PDE6A: variants seen among roughly 807,000 people sequenced by gnomAD.
PDE6A encodes the protein rod cGMP-specific 3',5'-cyclic phosphodiesterase subunit alpha.
PDE6A carries 84 observed loss-of-function variants against 106.3 expected under a neutral mutation model. The observed-to-expected ratio is 0.79, with a 90% CI of 0.66 to 0.95. PDE6A has a LOEUF of 0.95. PDE6A is among the 40% of genes least tolerant of loss of function. The pLI, the probability that PDE6A is intolerant of heterozygous loss-of-function variation, is 0.00. For synonymous variants in PDE6A, 394 were observed against 386.6 expected (o/e 1.02, Z -0.23); for missense variants, 1,052 against 1,084.9 (o/e 0.97, Z 0.43).
At chr5:149,897,516 T>C (rs1461217586) in intron 10 of PDE6A, among the ~76,000 whole-genome samples, 2 of 152,262 alleles carry the variant, frequency 1.3e-5, no homozygotes, top group African/African-American at 2.4e-5. Flanking sequence ...GTTATTGGAA[T>C]GAAATGATCA....
chr5:149,874,688 G>A (rs1760677755), intron 17 of PDE6A, among the ~76,000 whole-genome samples: 1 of 152,164 alleles, frequency 6.6e-6, no homozygotes. Context: ...ATGAAGGCTT[G>A]GTCTTTCTGG....
chr5:149,902,632 T>C (rs1753020896), intron 8 of PDE6A, among the ~76,000 whole-genome samples: 1 of 151,696 alleles, frequency 6.6e-6, no homozygotes, highest in Admixed American at 6.6e-5. Flanking sequence ...ACCAATCTGA[T>C]CAACATGGCG....
At chr5:149,943,570 C>T (rs1255452724) in intron 1 of PDE6A, among the ~76,000 whole-genome samples, 1 of 152,210 alleles carries the variant, frequency 6.6e-6, no homozygotes, top group African/African-American at 2.4e-5. Context: ...ATTCTCTTGC[C>T]TCAGCCCTCC....
chr5:149,913,250 C>T (rs152946), intron 6 of PDE6A, among the ~76,000 whole-genome samples: 105,704 of 151,404 alleles, frequency 0.7, 37,432 homozygotes, highest in Admixed American at 0.76. Context: ...GGTGTGGTGG[C>T]GTGTGCCTGT....
chr5:149,915,466 G>A (rs974784523), intron 5 of PDE6A, among the ~76,000 whole-genome samples: 2 of 152,130 alleles, frequency 1.3e-5, no homozygotes, highest in African/African-American at 4.8e-5. Flanking sequence ...TTGCCCCATG[G>A]TTTTCAGGAA....
chr5:149,911,528 C>G (rs1400312710), intron 6 of PDE6A, among the ~76,000 whole-genome samples: 1 of 152,110 alleles, frequency 6.6e-6, no homozygotes, highest in Non-Finnish European at 1.5e-5. Context: ...GAGTTCACAC[C>G]TAGGCAATAA....
intron 4 of PDE6A, among the ~76,000 whole-genome samples, chr5:149,928,866 C>T (rs1429016167): frequency 2.0e-5 from 3 of 152,166 alleles, no homozygotes. Context: ...AAAAATAATA[C>T]ATCCAAATGG....
At chr5:149,917,702 G>A (rs1753596023) in intron 5 of PDE6A, among the ~76,000 whole-genome samples, 1 of 152,178 alleles carries the variant, frequency 6.6e-6, no homozygotes, top group African/African-American at 2.4e-5. Flanking sequence ...AAATAAAATG[G>A]AGCTGAGACT....
At chr5:149,877,396 A>C (rs982166704) in intron 17 of PDE6A, among the ~76,000 whole-genome samples, 8 of 152,126 alleles carry the variant, frequency 5.3e-5, no homozygotes, top group Non-Finnish European at 2.9e-5. Flanking sequence ...TGGGCAACAT[A>C]GTAAGACCTT....
intron 17 of PDE6A, among the ~76,000 whole-genome samples, chr5:149,879,032 TTTTA>T (rs1172577589): frequency 1.3e-5 from 2 of 152,102 alleles, no homozygotes; most frequent in Admixed American, 6.6e-5. Context: ...TCATGTCATA[TTTTA>T]TTTATGTTTA....
chr5:149,944,508 C>CCATGCTG lies in PDE6A; in HGVS notation c.159_165dup (p.Glu56GlnfsTer10). 1 of 1,614,156 alleles carries CCATGCTG rather than the reference C, an allele frequency of 6.2e-7. No individual in the cohort carries two copies. The highest frequency in any genetic ancestry group is 1.1e-5 in the South Asian group (1 of 91,076). On this transcript the variant is annotated frameshift_variant, in exon 1 of 22. Transcript: ENST00000255266. LOFTEE classifies it high-confidence loss of function. ...AGATCAAAGATGATTTCGCTCTCCTCCATGCTGCTCGGGGAGTGGTAGTTG... is the reference window on the plus strand; with the variant it reads ...AGATCAAAGATGATTTCGCTCTCCTCCATGCTGCATGCTGCTCGGGGAGTGGTAGTTG...
At chr5:149,870,736 T>TGCAG (rs35780313) in intron 17 of PDE6A, among the ~76,000 whole-genome samples, 1,570 of 127,032 alleles carry the variant, frequency 0.012, 9 homozygotes, top group Middle Eastern at 0.025. Context: ...CAGAGGGGCC[T>TGCAG]GCAGGGAGGT....
In PDE6A at chr5:149,931,157, C is replaced by T. The variant is rs1754024143; in HGVS notation, c.729G>A (p.Trp243Ter). The T allele has an allele frequency of 1.9e-6, 3 of 1,613,964 alleles. No individual in the cohort carries two copies. Among genetic ancestry groups the T allele is most frequent in the Non-Finnish European group, 2.5e-6 (3 of 1,180,028 alleles). ...GTTCTTCAAAGACTTTGCTCCCAGA[C>T]CACAGCAGTATCTGAAAAAACACAA... ...CETRRGQILL[W>*]SGSKVFEELT... is the part of the protein sequence containing the mutation. The change falls in exon 4 of 22, where the codon TGG becomes TGA. Residue 243 changes from tryptophan (W) to a stop codon, truncating the protein, a stop_gained. Transcript: ENST00000255266. LOFTEE classifies it high-confidence loss of function.
intron 19 of PDE6A, 200 bp downstream of exon 19, chr5:149,867,525 G>T: frequency 1.5e-6 from 1 of 650,684 alleles, no homozygotes; most frequent in Non-Finnish European, 2.8e-6. Flanking sequence ...CTAGGGTGAG[G>T]CTTGTGAATA....
chr5:149,879,846 T>C (rs1760865221), intron 17 of PDE6A, among the ~76,000 whole-genome samples: 1 of 152,148 alleles, frequency 6.6e-6, no homozygotes, highest in South Asian at 2.1e-4. Context: ...CTCTTTTCTT[T>C]CCCTGGTTAT....
chr5:149,891,218 C>T (rs1752534636), intron 13 of PDE6A, among the ~76,000 whole-genome samples: 1 of 152,112 alleles, frequency 6.6e-6, no homozygotes, highest in African/African-American at 2.4e-5. Context: ...GCCTGTAATC[C>T]CAGCCCTTTG....
chr5:149,926,032 A>G (rs990311952), intron 4 of PDE6A, among the ~76,000 whole-genome samples: 4 of 152,152 alleles, frequency 2.6e-5, no homozygotes, highest in African/African-American at 7.2e-5. Flanking sequence ...ACTTGAGATC[A>G]GGAGTTCGAG....
chr5:149,864,730 C>T (rs558958962), intron 20 of PDE6A, among the ~76,000 whole-genome samples: 1 of 152,254 alleles, frequency 6.6e-6, no homozygotes, highest in African/African-American at 2.4e-5. Flanking sequence ...AATCCACGGC[C>T]CGCTGTGAAG....
At chr5:149,870,457 C>G (rs528992486) in intron 17 of PDE6A, among the ~76,000 whole-genome samples, 1 of 152,170 alleles carries the variant, frequency 6.6e-6, no homozygotes, top group Middle Eastern at 3.2e-3. Flanking sequence ...ATAAGAGTCA[C>G]TGGCTCCCTG....
Sources: allele counts gnomAD v4.1 joint callset (sites outside exome capture counted in the v4.1 genomes callset), GRCh38; gene constraint gnomAD v4.1.1; transcripts MANE v1.5; gene names NCBI Gene and HGNC (gene_info 2026-07-23, HGNC 2026-07-21).